CLYBL: variants seen among roughly 807,000 people sequenced by gnomAD.
The protein encoded by CLYBL is citramalyl-CoA lyase, also known as citramalyl-CoA lyase, mitochondrial.
CLYBL carries 31 observed loss-of-function variants against 38.9 expected under a neutral mutation model. That is an observed-to-expected ratio of 0.80 (90% CI 0.60 to 1.08). CLYBL has a LOEUF of 1.08. Among genes scored for constraint, CLYBL ranks in the 50% least tolerant of loss-of-function variants. CLYBL has a pLI of 0.00. For missense variants in CLYBL, 434 were observed against 411.6 expected, an observed-to-expected ratio of 1.05 and a Z score of -0.47; for synonymous variants, 171 against 158.6, an observed-to-expected ratio of 1.08 and a Z score of -0.59.
rs953459587 is a variant in CLYBL at position 99,777,340 on chromosome 13, A to G, written c.249+4330A>G. ...CTTGTCCAAAAATACCTTCTCCCTC[A>G]ATACCTCCACCTAACCAGCAAAGTG... is the stretch of plus-strand genomic sequence containing the variant. On this transcript the variant is annotated intron_variant, in intron 2 of 8. Coordinates refer to ENST00000339105, the MANE Select transcript of CLYBL (RefSeq NM_206808.5). Among the ~76,000 whole-genome samples the G allele has an allele frequency of 3.9e-5, 6 of 152,124 alleles. No individual in the cohort carries two copies. The East Asian group carries it at 9.6e-4, about 24-fold the overall frequency.
At chr13:99,678,332 G>A (rs1423426568) in intron 1 of CLYBL, among the ~76,000 whole-genome samples, 2 of 152,168 alleles carry the variant, frequency 1.3e-5, no homozygotes, top group African/African-American at 2.4e-5. Context: ...AATTGTGGAA[G>A]CCTTGATTCA....
At chr13:99,835,968 T>C (rs1360527600) in intron 2 of CLYBL, among the ~76,000 whole-genome samples, 2 of 152,078 alleles carry the variant, frequency 1.3e-5, no homozygotes, top group Non-Finnish European at 2.9e-5. Context: ...GTAAACCAGA[T>C]GACAACGACA....
At chr13:99,728,377 C>G (rs1165513348) in intron 1 of CLYBL, among the ~76,000 whole-genome samples, 4 of 149,558 alleles carry the variant, frequency 2.7e-5, no homozygotes, top group African/African-American at 9.9e-5. Flanking sequence ...CTCCTGGGTT[C>G]AAGCGATTAT....
Position 99,849,731 on chromosome 13 carries a change from G to T in CLYBL, c.250-9130G>T, listed in dbSNP as rs147837680. Among the ~76,000 whole-genome samples the T allele has an allele frequency of 3.1e-3, 473 of 152,286 alleles. 3 individuals are homozygous for T. Among genetic ancestry groups the T allele is most frequent in the African/African-American group, 0.011 (456 of 41,550 alleles). ...ATAGTTAAGGAAAATCCACCAGGAG[G>T]AGATGGAAAAAGGGCAAGGTAAAGA... On this transcript the variant is annotated intron_variant, in intron 2 of 8. Coordinates refer to ENST00000339105, the MANE Select transcript of CLYBL (RefSeq NM_206808.5). This position sits in a 1 kb window ranked among gnomAD's most constrained non-coding sequence, Gnocchi z 4.9.
chr13:99,627,252 T>C (rs2046883191), intron 1 of CLYBL, among the ~76,000 whole-genome samples: 1 of 152,148 alleles, frequency 6.6e-6, no homozygotes, highest in Non-Finnish European at 1.5e-5. Context: ...CTCGTCTTTA[T>C]TTTTGATGAA....
chr13:99,679,624 G>T (rs150166321), intron 1 of CLYBL, among the ~76,000 whole-genome samples: 36 of 151,922 alleles, frequency 2.4e-4, no homozygotes, highest in Non-Finnish European at 4.9e-4. Context: ...GTGAAGCACA[G>T]ACCTTTTAGA....
chr13:99,677,332 AG>A (rs1040160721), intron 1 of CLYBL, among the ~76,000 whole-genome samples: 1 of 151,982 alleles, frequency 6.6e-6, no homozygotes, highest in Admixed American at 6.6e-5. Context: ...ACTTTGAGAG[AG>A]GAAAAAAAAA....
intron 7 of CLYBL, among the ~76,000 whole-genome samples, chr13:99,882,958 TGGGCC>T (rs1298950652): frequency 3.4e-4 from 52 of 152,072 alleles, no homozygotes; most frequent in African/African-American, 1.3e-3. Flanking sequence ...GAAGTAGGGC[TGGGCC>T]GGGCCAGGCC....
intron 1 of CLYBL, among the ~76,000 whole-genome samples, chr13:99,651,123 C>T (rs193285129): frequency 6.6e-6 from 1 of 152,354 alleles, no homozygotes; most frequent in East Asian, 1.9e-4. Context: ...CAGCAGACAC[C>T]CTTCCTCTGC....
intron 1 of CLYBL, among the ~76,000 whole-genome samples, chr13:99,721,531 G>A (rs2048392786): frequency 3.3e-5 from 5 of 151,460 alleles, no homozygotes; most frequent in Admixed American, 3.3e-4. Flanking sequence ...ACAACGTGCA[G>A]GTTTGTAACA....
At chr13:99,895,319 T>G (rs1367006755), downstream of CLYBL, 1 of 152,252 alleles carries the variant, frequency 6.6e-6, no homozygotes, top group Non-Finnish European at 1.5e-5. Context: ...CTTCTGTGTT[T>G]TATTTCTTTC....
chr13:99,862,792 A>C (rs571961319), intron 3 of CLYBL, among the ~76,000 whole-genome samples, 199 bp from the exon 4 acceptor site: 24 of 152,316 alleles, frequency 1.6e-4, no homozygotes, highest in South Asian at 8.3e-4. Flanking sequence ...TTAGGATTTT[A>C]CTATTTAGTT....
chr13:99,846,738 C>T (rs774083551), intron 2 of CLYBL, among the ~76,000 whole-genome samples: 2 of 152,170 alleles, frequency 1.3e-5, no homozygotes, highest in African/African-American at 4.8e-5. Flanking sequence ...GACATTTATA[C>T]TTCTGTGGAT....
intron 1 of CLYBL, among the ~76,000 whole-genome samples, chr13:99,676,178 C>CTCCA (rs1555351217): frequency 7.3e-6 from 1 of 136,708 alleles, no homozygotes; most frequent in Non-Finnish European, 1.6e-5. Flanking sequence ...CCTTCCTTCC[C>CTCCA]TCCGTCCGTC....
intron 1 of CLYBL, among the ~76,000 whole-genome samples, chr13:99,725,158 T>C (rs1253028377): frequency 6.6e-6 from 1 of 152,194 alleles, no homozygotes; most frequent in Non-Finnish European, 1.5e-5. Flanking sequence ...GGCTGGCCTC[T>C]ACACATGACC....
chr13:99,695,558 C>T (rs9585193), intron 1 of CLYBL, among the ~76,000 whole-genome samples: 2,618 of 151,986 alleles, frequency 0.017, 64 homozygotes, highest in African/African-American at 0.059. Flanking sequence ...CTCCCTCTGT[C>T]GCCCAGGCTG....
Position 99,863,085 on chromosome 13 carries a change from A to G in CLYBL, c.533A>G (p.Asn178Ser), listed in dbSNP as rs781689841. The change falls in exon 4 of 9, where the codon AAT (asparagine) becomes AGT (serine). Residue 178 changes from asparagine to serine, a missense_variant. By Grantham distance (46) the Asn-to-Ser change is conservative (BLOSUM62 1). Coordinates refer to ENST00000339105, the MANE Select transcript of CLYBL (RefSeq NM_206808.5). Reference sequence around the variant, plus strand: ...GTGGAAACTGCAATGGGTTTGCTCAATTTTAAGGTAAGGAAGCCATAATAC... The same window carrying G: ...GTGGAAACTGCAATGGGTTTGCTCAGTTTTAAGGTAAGGAAGCCATAATAC... ...PFVETAMGLL[N>S]FKAVCEETLK... The G allele has an allele frequency of 4.4e-6, 7 of 1,583,234 alleles. No individual in the cohort carries two copies. In the East Asian group the frequency reaches 1.4e-4, roughly 31 times the overall value.
chr13:99,817,482 C>T (rs992720654), intron 2 of CLYBL, among the ~76,000 whole-genome samples: 4 of 151,514 alleles, frequency 2.6e-5, no homozygotes, highest in Non-Finnish European at 4.4e-5. Context: ...CACGAAACCC[C>T]GTCTCTACTA....
intron 1 of CLYBL, among the ~76,000 whole-genome samples, chr13:99,703,800 G>T (rs934813611): frequency 2.6e-5 from 4 of 152,162 alleles, no homozygotes; most frequent in Non-Finnish European, 4.4e-5. Flanking sequence ...GTTTAGAGCA[G>T]AATGAAAAAT....
Sources: gnomAD v4.1 joint callset for allele counts (sites outside exome capture counted in the v4.1 genomes callset) on GRCh38, gnomAD v4.1.1 for gene constraint, Gnocchi (gnomAD v3.1) non-coding constraint, MANE v1.5 for transcripts, NCBI Gene and HGNC (gene_info 2026-07-23, HGNC 2026-07-21) for gene names.